CRACDL: variants seen among roughly 807,000 people sequenced by gnomAD.
CRACDL encodes CRACD-like protein.
Under a neutral mutation model 70.6 loss-of-function variants are expected in CRACDL, and 26 were observed. That is an observed-to-expected ratio of 0.37 (90% confidence interval 0.27 to 0.51). CRACDL has a LOEUF of 0.51. CRACDL is among the 20% of genes least tolerant of loss of function. The pLI is 0.94. For synonymous variants in CRACDL, 618 were observed against 615.2 expected (o/e 1.00, Z -0.07); for missense variants, 1,283 against 1,376.9 (o/e 0.93, Z 1.08).
chr2:98,841,329 A>G (rs953556014), intron 2 of CRACDL, among the ~76,000 whole-genome samples: 1 of 152,128 alleles, frequency 6.6e-6, no homozygotes, highest in African/African-American at 2.4e-5. Flanking sequence ...CAAGTCTATC[A>G]TCTTATGTGT....
intron 1 of CRACDL, among the ~76,000 whole-genome samples, chr2:98,878,008 A>C (rs113165539): frequency 0.037 from 5,452 of 148,652 alleles, 132 homozygotes; most frequent in Middle Eastern, 0.068. Context: ...GTGAAGTGGC[A>C]CGATCTTGGC....
At chr2:98,924,815 G>A (rs1708876233) in intron 1 of CRACDL, among the ~76,000 whole-genome samples, 1 of 152,226 alleles carries the variant, frequency 6.6e-6, no homozygotes, top group African/African-American at 2.4e-5. Context: ...CCCAAAAAGG[G>A]GGTGCTGAAT....
chr2:98,913,668 G>A (rs972945408), intron 1 of CRACDL, among the ~76,000 whole-genome samples: 5 of 152,176 alleles, frequency 3.3e-5, no homozygotes, highest in Non-Finnish European at 1.5e-5. Flanking sequence ...CTGGGCATCT[G>A]AGGAGTCACG....
At position 98,838,101 on chromosome 2, in the gene CRACDL, A is replaced by G; in HGVS notation, c.239+18T>C. ...TATTTAGGTGCTCCTGGCCCGAGGG[A>G]TGTAAAATGCAACTTACTCCAGCTC... On this transcript the variant is annotated intron_variant, in intron 3 of 9. Transcript: ENST00000397899. 1 of 1,587,858 alleles carries G rather than the reference A, an allele frequency of 6.3e-7. No homozygotes were observed. The highest frequency in any genetic ancestry group is 8.6e-7 in the Non-Finnish European group (1 of 1,168,674).
intron 7 of CRACDL, among the ~76,000 whole-genome samples, chr2:98,809,413 G>A (rs943090628): frequency 2.6e-5 from 4 of 152,126 alleles, no homozygotes; most frequent in African/African-American, 4.8e-5. Context: ...GTCATGTGGT[G>A]GTCCTGTCTG....
chr2:98,883,876 G>C (rs544286802), intron 1 of CRACDL, among the ~76,000 whole-genome samples: 2 of 152,308 alleles, frequency 1.3e-5, no homozygotes. Flanking sequence ...TAATGGCAGG[G>C]ATTATTGCTC....
intron 1 of CRACDL, among the ~76,000 whole-genome samples, chr2:98,848,093 C>T (rs1485262710): frequency 1.3e-5 from 2 of 152,166 alleles, no homozygotes; most frequent in Non-Finnish European, 2.9e-5. Flanking sequence ...CATGATCATG[C>T]TATCATTATC....
At chr2:98,809,474 A>T (rs1704462383) in intron 7 of CRACDL, among the ~76,000 whole-genome samples, 1 of 152,098 alleles carries the variant, frequency 6.6e-6, no homozygotes, top group Non-Finnish European at 1.5e-5. Flanking sequence ...CATGTCTCCC[A>T]ACTGCAGGGC....
At chr2:98,919,689 T>C (rs1315554028) in intron 1 of CRACDL, among the ~76,000 whole-genome samples, 1 of 152,246 alleles carries the variant, frequency 6.6e-6, no homozygotes, top group East Asian at 1.9e-4. Flanking sequence ...TTCCAGTCTT[T>C]CTAGTCTGTT....
chr2:98,869,154 T>G, intron 1 of CRACDL: 1 of 1,304,354 alleles, frequency 7.7e-7, no homozygotes, highest in Non-Finnish European at 1.0e-6. Flanking sequence ...TCTCTCATCC[T>G]CCTGGAAGCT....
intron 8 of CRACDL, 23 bp from the exon 9 acceptor site, chr2:98,796,287 C>A (rs767798500): frequency 1.2e-6 from 2 of 1,606,604 alleles, no homozygotes; most frequent in Non-Finnish European, 1.7e-6. Context: ...AAGACACATG[C>A]TGCCAAGTTA....
rs191570700 is a variant in CRACDL, at chr2:98,799,825, C to T, written c.2417-2288G>A. ...ACCTGCTTCACCCCTGCAGCTCTGA[C>T]GTGGCTGCACATCCTCTCTGGGGGA... On this transcript the variant is annotated intron_variant, in intron 7 of 9. Coordinates refer to ENST00000397899, the MANE Select transcript of CRACDL (RefSeq NM_207362.3). 3.0e-3 allele frequency among the ~76,000 whole-genome samples: 456 copies of T among 152,314 alleles called. 7 individuals are homozygous for T. The highest frequency in any genetic ancestry group is 1.1e-3 in the Non-Finnish European group (75 of 68,028).
intron 1 of CRACDL, among the ~76,000 whole-genome samples, chr2:98,930,588 A>T (rs1172318080): frequency 7.5e-6 from 1 of 134,168 alleles, no homozygotes; most frequent in African/African-American, 2.9e-5. Context: ...CACCTACCCC[A>T]TCTCTGTCCC....
At chr2:98,910,445 TGGGA>T (rs1284167551) in intron 1 of CRACDL, among the ~76,000 whole-genome samples, 2 of 151,824 alleles carry the variant, frequency 1.3e-5, no homozygotes, top group East Asian at 3.9e-4. Flanking sequence ...CACTTGAACC[TGGGA>T]GGTGGAGGTT....
At chr2:98,821,332 C>T (rs1705017286) in intron 7 of CRACDL, among the ~76,000 whole-genome samples, 1 of 152,154 alleles carries the variant, frequency 6.6e-6, no homozygotes, top group Admixed American at 6.5e-5. Context: ...TACAGGCCCT[C>T]ATTACCACGC....
intron 8 of CRACDL, 115 bp from the exon 9 acceptor site, chr2:98,796,379 C>CT (rs1333472676): frequency 9.3e-7 from 1 of 1,077,700 alleles, no homozygotes; most frequent in Non-Finnish European, 1.4e-6. Context: ...ACTGCTGGCA[C>CT]TTTCTCGGGA....
chr2:98,808,301 C>A (rs540803763), intron 7 of CRACDL, among the ~76,000 whole-genome samples: 1 of 152,168 alleles, frequency 6.6e-6, no homozygotes, highest in Non-Finnish European at 1.5e-5. Flanking sequence ...ACATTAGAAC[C>A]ACCTGGGCAG....
At chr2:98,925,218 A>G (rs1342513933) in intron 1 of CRACDL, among the ~76,000 whole-genome samples, 1 of 152,154 alleles carries the variant, frequency 6.6e-6, no homozygotes, top group African/African-American at 2.4e-5. Flanking sequence ...CTGACCAGGG[A>G]ATGAAGGGCC....
At position 98,822,527 on chromosome 2, in the gene CRACDL, C is replaced by A; in HGVS notation, c.1746G>T (p.Arg582=). The stretch of plus-strand genomic sequence containing the variant: ...GCGGGCGGGAGACGCCCGGACGAGG[C>A]CGCGCTCGGCACGAGGACACCGAGA... ...KKFSVSSCRA[R]PRPGVSRPLE... Residue 582 remains arginine, a synonymous_variant, in exon 7 of 10, where the codon CGG becomes CGT. Coordinates refer to ENST00000397899, the MANE Select transcript of CRACDL (RefSeq NM_207362.3). This position sits in a 1 kb window ranked among gnomAD's most constrained non-coding sequence, Gnocchi z 4.9. The A allele has an allele frequency of 6.9e-7, 1 of 1,459,104 alleles. No individual in the cohort carries two copies. The highest frequency in any genetic ancestry group is 9.0e-7 in the Non-Finnish European group (1 of 1,113,914). 90.4% of individuals were successfully genotyped at this position (1,459,104 alleles called of 1,614,324 possible). A position where few individuals can be genotyped will look rare whatever the true frequency, so the allele number is the denominator to read the frequency against.
Sources: allele counts gnomAD v4.1 joint callset (sites outside exome capture counted in the v4.1 genomes callset), GRCh38; gene constraint gnomAD v4.1.1; non-coding constraint Gnocchi (gnomAD v3.1); transcripts MANE v1.5; gene names NCBI Gene and HGNC (gene_info 2026-07-23, HGNC 2026-07-21).